Variants in SPATA6L observed in about 807,000 individuals in gnomAD.
The protein encoded by SPATA6L is spermatogenesis associated 6-like protein.
A neutral mutation model predicts 49.2 loss-of-function variants in SPATA6L; 68 were observed. That is an observed-to-expected ratio of 1.38 (90% CI 1.14 to 1.69). The LOEUF (loss-of-function observed/expected upper bound fraction) is 1.69, where lower values mean the gene tolerates loss of function less well. Ranked by LOEUF, SPATA6L falls within the 40% of genes most tolerant of loss-of-function variation. The probability of loss-of-function intolerance (pLI) is 0.00; values close to 1 mark genes in which losing one functional copy is unlikely to be tolerated. For synonymous variants in SPATA6L, 198 were observed against 165.7 expected (o/e 1.19, Z -1.50); for missense variants, 668 against 464.3 (o/e 1.44, Z -4.03).
chr9:4,619,092 G>A (rs992070862), intron 7 of SPATA6L, among the ~76,000 whole-genome samples, 194 bp from the exon 8 acceptor site: 1 of 151,944 alleles, frequency 6.6e-6, no homozygotes, highest in Non-Finnish European at 1.5e-5. Context: ...CCGGGTTGTG[G>A]GGGTTTTTTG....
At chr9:4,605,933 G>T (rs901269342) in intron 9 of SPATA6L, among the ~76,000 whole-genome samples, 4 of 152,172 alleles carry the variant, frequency 2.6e-5, no homozygotes, top group African/African-American at 9.7e-5. Flanking sequence ...CCAGACAGTG[G>T]GCGCAGGCCA....
chr9:4,647,187 A>C (rs953989497), intron 3 of SPATA6L, among the ~76,000 whole-genome samples: 3 of 152,230 alleles, frequency 2.0e-5, no homozygotes, highest in Non-Finnish European at 4.4e-5. Context: ...CTAAAATAAC[A>C]ATGCAATTTT....
chr9:4,641,284 G>A (rs925396141), intron 3 of SPATA6L, among the ~76,000 whole-genome samples: 1 of 152,080 alleles, frequency 6.6e-6, no homozygotes, highest in Non-Finnish European at 1.5e-5. Context: ...GTATCCACAG[G>A]AGGTTGGTTT....
chr9:4,655,916 G>A (rs1042884687), intron 3 of SPATA6L, 125 bp downstream of exon 3: 6 of 762,528 alleles, frequency 7.9e-6, no homozygotes, highest in South Asian at 7.0e-5. Flanking sequence ...TTTTACGTAG[G>A]CTGTCTTGAA....
At chr9:4,640,428 T>C (rs1833782497) in intron 3 of SPATA6L, among the ~76,000 whole-genome samples, 1 of 152,164 alleles carries the variant, frequency 6.6e-6, no homozygotes, top group Non-Finnish European at 1.5e-5. Flanking sequence ...ATAAGTGTGT[T>C]TGAAAGCAAT....
intron 9 of SPATA6L, among the ~76,000 whole-genome samples, chr9:4,612,941 C>T (rs1429768315): frequency 6.6e-6 from 1 of 151,996 alleles, no homozygotes; most frequent in Non-Finnish European, 1.5e-5. Context: ...ATTATAGCCA[C>T]TTGGGGCCAG....
intron 3 of SPATA6L, among the ~76,000 whole-genome samples, chr9:4,643,050 C>G (rs1423284583): frequency 6.6e-6 from 1 of 152,114 alleles, no homozygotes; most frequent in Non-Finnish European, 1.5e-5. Context: ...CTCTGTGGCC[C>G]AGGCTGGAGT....
chr9:4,656,265 C>G (rs1399111817), intron 2 of SPATA6L, among the ~76,000 whole-genome samples, 176 bp from the exon 3 acceptor site: 1 of 151,992 alleles, frequency 6.6e-6, no homozygotes, highest in Non-Finnish European at 1.5e-5. Flanking sequence ...ATGGTGAAAC[C>G]CTCTCTCTAC....
chr9:4,666,030 A>C (rs1840806324), intron 1 of SPATA6L, among the ~76,000 whole-genome samples, 182 bp downstream of exon 1: 1 of 150,826 alleles, frequency 6.6e-6, no homozygotes, highest in African/African-American at 2.5e-5. Context: ...GGTGGAGCTG[A>C]ATTAAAGGTT....
chr9:4,618,560 C>T (rs1230312823), intron 8 of SPATA6L, among the ~76,000 whole-genome samples: 6 of 152,196 alleles, frequency 3.9e-5, no homozygotes, highest in South Asian at 2.1e-4. Context: ...TGATTTACCA[C>T]CTCTATGTAT....
intron 13 of SPATA6L, among the ~76,000 whole-genome samples, chr9:4,591,842 G>A (rs748033866): frequency 6.2e-4 from 94 of 152,150 alleles, no homozygotes; most frequent in Non-Finnish European, 1.1e-3. Flanking sequence ...TATCAATCCA[G>A]GCAGACAGTC....
At chr9:4,660,942 A>G (rs1839537752) in intron 2 of SPATA6L, among the ~76,000 whole-genome samples, 2 of 152,126 alleles carry the variant, frequency 1.3e-5, no homozygotes, top group Admixed American at 6.5e-5. Context: ...CAGAAAACCA[A>G]ACACCGCATG....
At position 4,624,876 on chromosome 9, in the gene SPATA6L, T is replaced by C. The variant is rs554359323; in HGVS notation, c.669+451A>G. 2.0e-5 allele frequency among the ~76,000 whole-genome samples: 3 copies of C among 152,346 alleles called. No individual in the cohort carries two copies. In the South Asian group the frequency reaches 6.2e-4, roughly 32 times the overall value. On this transcript the variant is annotated intron_variant, in intron 6 of 11. Coordinates refer to ENST00000682582, the MANE Select transcript of SPATA6L (RefSeq NM_001353486.2). Reference sequence around the variant, plus strand: ...TTGCTTCTTCCTACAAATAAAACTTTTCTGGCTCTTCAATATATGGCCACT... The same window carrying C: ...TTGCTTCTTCCTACAAATAAAACTTCTCTGGCTCTTCAATATATGGCCACT...
chr9:4,651,887 A>G (rs1178787042), intron 3 of SPATA6L, among the ~76,000 whole-genome samples: 2 of 152,220 alleles, frequency 1.3e-5, no homozygotes, highest in African/African-American at 4.8e-5. Flanking sequence ...TACTATCAGG[A>G]AATAGATAAG....
At chr9:4,595,672 A>G (rs1026366838), downstream of SPATA6L, among the ~76,000 whole-genome samples, 2 of 152,194 alleles carry the variant, frequency 1.3e-5, no homozygotes, top group Admixed American at 1.3e-4. Context: ...AATGCTGAAA[A>G]TAAGTTCTGG....
Position 4,662,054 on chromosome 9 carries a change from C to T in SPATA6L, c.40-18G>A. The stretch of plus-strand genomic sequence containing the variant: ...CAAGAAATCTTAAAAAGAAAGAAAA[C>T]AACAAACAAGGGAGAGAAAACAGAC... On this transcript the variant is annotated intron_variant, in intron 1 of 11. Transcript: ENST00000682582. The surrounding 1 kb of genome is among the most constrained non-coding windows in gnomAD (Gnocchi z 4.9). 1 of 1,612,586 alleles carries T rather than the reference C, an allele frequency of 6.2e-7. No homozygotes were observed.
rs1323997869 is a variant in SPATA6L at position 4,662,576 on chromosome 9, C to T, written c.40-540G>A. ...GTGCATCGGAGAGCCCAGTTCACCG[C>T]CGCGGCTCCTTCCCCCTGGCCGCGG... On this transcript the variant is annotated intron_variant, in intron 1 of 11. Coordinates refer to ENST00000682582, the MANE Select transcript of SPATA6L (RefSeq NM_001353486.2). The surrounding 1 kb of genome is among the most constrained non-coding windows in gnomAD (Gnocchi z 4.9). The T allele has an allele frequency of 6.3e-7, 1 of 1,589,296 alleles. No homozygotes were observed. The highest frequency in any genetic ancestry group is 8.5e-7 in the Non-Finnish European group (1 of 1,175,780).
chr9:4,652,937 C>T (rs1000826271), intron 3 of SPATA6L, among the ~76,000 whole-genome samples: 2 of 151,196 alleles, frequency 1.3e-5, no homozygotes, highest in Admixed American at 1.3e-4. Flanking sequence ...GTTAAGGTGA[C>T]AATACTCCCC....
chr9:4,607,720 G>A (rs936592759), intron 9 of SPATA6L, among the ~76,000 whole-genome samples: 1 of 152,122 alleles, frequency 6.6e-6, no homozygotes, highest in African/African-American at 2.4e-5. Flanking sequence ...TCGAGACTAG[G>A]AAGAAACTGC....
Sources: allele counts gnomAD v4.1 joint callset (sites outside exome capture counted in the v4.1 genomes callset), GRCh38; gene constraint gnomAD v4.1.1; non-coding constraint Gnocchi (gnomAD v3.1); transcripts MANE v1.5; gene names NCBI Gene and HGNC (gene_info 2026-07-23, HGNC 2026-07-21).